Variants in MAP3K19 observed in about 807,000 individuals in gnomAD.
MAP3K19 encodes mitogen-activated protein kinase kinase kinase 19, also known as SPS1/STE20-related protein kinase YSK4.
A neutral mutation model predicts 114.4 loss-of-function variants in MAP3K19; 91 were observed. The ratio of observed to expected loss-of-function variants is 0.80; its 90% CI spans 0.67 to 0.95. The LOEUF (loss-of-function observed/expected upper bound fraction) is 0.95. Among genes scored for constraint, MAP3K19 ranks in the 40% least tolerant of loss-of-function variants. The probability of loss-of-function intolerance (pLI) is 0.00; values close to 1 mark genes in which losing one functional copy is unlikely to be tolerated. For missense variants in MAP3K19, 1,471 were observed against 1,573.2 expected, an observed-to-expected ratio of 0.94 and a Z score of 1.10; for synonymous variants, 518 against 530.5, an observed-to-expected ratio of 0.98 and a Z score of 0.32.
At chr2:134,967,117 G>A (rs1683410673) in intron 12 of MAP3K19, among the ~76,000 whole-genome samples, 3 of 152,206 alleles carry the variant, frequency 2.0e-5, no homozygotes. Context: ...ATCTAGGGCT[G>A]TGCAGGATGC....
chr2:135,042,333 G>C (rs1224485181), intron 1 of MAP3K19, among the ~76,000 whole-genome samples: 1 of 151,490 alleles, frequency 6.6e-6, no homozygotes, highest in Admixed American at 6.6e-5. Flanking sequence ...AAATCCCGTC[G>C]CTACTAAAAG....
intron 3 of MAP3K19, among the ~76,000 whole-genome samples, chr2:135,025,365 G>T (rs1688212062): frequency 6.9e-6 from 1 of 144,104 alleles, no homozygotes; most frequent in African/African-American, 2.6e-5. Flanking sequence ...TCTCCACATG[G>T]CCTTTTCTTT....
At chr2:134,966,418 G>T (rs1312003953) in intron 12 of MAP3K19, among the ~76,000 whole-genome samples, 2 of 151,510 alleles carry the variant, frequency 1.3e-5, no homozygotes, top group East Asian at 1.9e-4. Context: ...ATTTTTGTGG[G>T]TTTTTTTTAA....
chr2:135,001,184 T>C (rs907262297), intron 6 of MAP3K19, among the ~76,000 whole-genome samples: 2 of 151,912 alleles, frequency 1.3e-5, no homozygotes, highest in Non-Finnish European at 2.9e-5. Context: ...ATCAGGCAAA[T>C]GATAATAGTG....
In MAP3K19 at chr2:134,981,537, T is replaced by C. The variant is rs201557932; in HGVS notation, c.3223-19A>G. Reference sequence around the variant, plus strand: ...AGTATACCTAGAAGCAAATCAATAATACCTTGTTATTAAATTAATGACATA... The same window carrying C: ...AGTATACCTAGAAGCAAATCAATAACACCTTGTTATTAAATTAATGACATA... On this transcript the variant is annotated intron_variant, in intron 11 of 12. Coordinates refer to ENST00000392915, the MANE Select transcript of MAP3K19 (RefSeq NM_025052.5). The C allele has an allele frequency of 1.3e-6, 2 of 1,534,312 alleles. No homozygotes were observed. The highest frequency in any genetic ancestry group is 4.5e-5 in the East Asian group (2 of 44,226).
intron 5 of MAP3K19, among the ~76,000 whole-genome samples, chr2:135,006,767 G>A (rs950192078): frequency 3.3e-5 from 5 of 151,468 alleles, no homozygotes; most frequent in Non-Finnish European, 5.9e-5. Context: ...CTAGGGTCAC[G>A]CCACTGCACT....
chr2:134,994,542 A>C (rs1460537678), intron 8 of MAP3K19, among the ~76,000 whole-genome samples: 2 of 152,220 alleles, frequency 1.3e-5, no homozygotes, highest in African/African-American at 4.8e-5. Context: ...GCTGGAGTGA[A>C]AATATGAGGA....
At position 135,032,623 on chromosome 2, in the gene MAP3K19, A is replaced by T. The variant is rs868398989; in HGVS notation, c.-283-2123T>A. On this transcript the variant is annotated intron_variant, in intron 2 of 12. Transcript: ENST00000392915. ...TAATTTAATTTTATTTTATTTATTT[A>T]TTTTTTTTAATTGATCATTCTTGGG... Among the ~76,000 whole-genome samples the T allele has an allele frequency of 3.7e-3, 551 of 149,498 alleles. 5 individuals carry two copies. The highest frequency in any genetic ancestry group is 0.013 in the African/African-American group (527 of 40,790).
At position 135,034,544 on chromosome 2, in the gene MAP3K19, G is replaced by A. The variant is rs1051697463; in HGVS notation, c.-283-4044C>T. Among the ~76,000 whole-genome samples, 30 of 130,464 alleles carry A rather than the reference G, an allele frequency of 2.3e-4. 1 individual carries two copies. Among genetic ancestry groups the A allele is most frequent in the Non-Finnish European group, 3.4e-4 (22 of 65,174 alleles). 85.6% of individuals were successfully genotyped at this position (130,464 alleles called of 152,430 possible). On this transcript the variant is annotated intron_variant, in intron 2 of 12. Transcript: ENST00000392915. ...TTGAGCACTGAGTGAACCAGACTCC[G>A]TCTGCAATCCCGGCACCTCGGGAGG...
intron 6 of MAP3K19, among the ~76,000 whole-genome samples, chr2:135,001,684 A>G (rs1686455594): frequency 6.6e-6 from 1 of 152,246 alleles, no homozygotes; most frequent in Non-Finnish European, 1.5e-5. Flanking sequence ...TACAAAAGCT[A>G]AATGTATTTA....
intron 8 of MAP3K19, among the ~76,000 whole-genome samples, chr2:134,992,612 T>C (rs931203710): frequency 5.3e-5 from 8 of 152,216 alleles, no homozygotes; most frequent in Admixed American, 5.2e-4. Flanking sequence ...GCAGTGATGT[T>C]ATCCAACCCA....
intron 12 of MAP3K19, among the ~76,000 whole-genome samples, chr2:134,968,755 G>A (rs183174136): frequency 0.24 from 36,369 of 150,382 alleles, 5,071 homozygotes; most frequent in Middle Eastern, 0.6. Context: ...GACGATGGGC[G>A]GCCGGGCAGA....
At position 135,024,695 on chromosome 2, in the gene MAP3K19, C is replaced by A; in HGVS notation, c.-48G>T. ...TTCTTTGAACTCTCTATTTGTGACA[C>A]ATAATGTATTGCTGATTTTCCACTA... On this transcript the variant is annotated 5_prime_UTR_variant, in exon 4 of 13. It removes an upstream start codon present in the reference 5' UTR. Coordinates refer to ENST00000392915, the MANE Select transcript of MAP3K19 (RefSeq NM_025052.5). 6.5e-7 allele frequency: 1 copy of A among 1,540,564 alleles called. No homozygotes were observed. The highest frequency in any genetic ancestry group is 9.0e-7 in the Non-Finnish European group (1 of 1,115,930).
At chr2:135,003,016 C>A (rs905608774) in intron 6 of MAP3K19, among the ~76,000 whole-genome samples, 1 of 152,118 alleles carries the variant, frequency 6.6e-6, no homozygotes, top group Non-Finnish European at 1.5e-5. Flanking sequence ...CATGAGGTGT[C>A]AAGGGTGGGG....
chr2:135,002,936 T>C (rs1415687988), intron 6 of MAP3K19, among the ~76,000 whole-genome samples: 1 of 152,148 alleles, frequency 6.6e-6, no homozygotes, highest in Non-Finnish European at 1.5e-5. Flanking sequence ...CGCACATTAA[T>C]ATGTTGAAGC....
At chr2:135,018,564 T>C (rs1687751680) in intron 5 of MAP3K19, among the ~76,000 whole-genome samples, 1 of 152,212 alleles carries the variant, frequency 6.6e-6, no homozygotes, top group South Asian at 2.1e-4. Context: ...TTCAAACTCT[T>C]GCCCCCACAA....
At chr2:134,976,588 TA>T (rs1684249108) in intron 12 of MAP3K19, among the ~76,000 whole-genome samples, 1 of 152,178 alleles carries the variant, frequency 6.6e-6, no homozygotes, top group African/African-American at 2.4e-5. Flanking sequence ...GTGGAGGAAG[TA>T]AGTGCCAGAT....
At chr2:134,970,176 A>G (rs1480934704) in intron 12 of MAP3K19, among the ~76,000 whole-genome samples, 1 of 152,152 alleles carries the variant, frequency 6.6e-6, no homozygotes, top group Admixed American at 6.5e-5. Flanking sequence ...GAAAAATTAC[A>G]TTGGTATTTT....
In MAP3K19 at chr2:134,985,956, A is replaced by G. The variant is rs1409259655; in HGVS notation, c.2916T>C (p.Cys972=). 6.2e-7 allele frequency: 1 copy of G among 1,614,126 alleles called. No individual in the cohort carries two copies. Among genetic ancestry groups the G allele is most frequent in the South Asian group, 1.1e-5 (1 of 91,054 alleles). Residue 972 remains cysteine, a synonymous_variant, in exon 10 of 13, where the codon TGT becomes TGC. Transcript: ENST00000392915. ...CAAGAGCTAATAATTCTGCAGCTAG[A>G]CAACCTAATAGTTCATCTGTCAATT... is the stretch of plus-strand genomic sequence containing the variant. ...NEELTDELLG[C]LAAELLALDE...
Sources: allele counts gnomAD v4.1 joint callset (sites outside exome capture counted in the v4.1 genomes callset), GRCh38; gene constraint gnomAD v4.1.1; transcripts MANE v1.5; gene names NCBI Gene and HGNC (gene_info 2026-07-23, HGNC 2026-07-21).